Variants in CNTNAP2 observed in about 807,000 individuals in gnomAD.
The protein encoded by CNTNAP2 is contactin associated protein 2.
A neutral mutation model predicts 155.2 loss-of-function variants in CNTNAP2; 98 were observed. The observed-to-expected ratio is 0.63, with a 90% CI of 0.54 to 0.75. The LOEUF is 0.75. Ranked by LOEUF, CNTNAP2 falls within the 30% of genes least tolerant of loss-of-function variation. The pLI is 0.00. For synonymous variants in CNTNAP2, 651 were observed against 631.2 expected, an observed-to-expected ratio of 1.03 and a Z score of -0.47; for missense variants, 1,727 against 1,688.1, an observed-to-expected ratio of 1.02 and a Z score of -0.40.
At chr7:147,737,784 G>A (rs1358158526) in intron 13 of CNTNAP2, among the ~76,000 whole-genome samples, 2 of 152,204 alleles carry the variant, frequency 1.3e-5, no homozygotes, top group Admixed American at 6.5e-5. Context: ...TGCTAGCAAT[G>A]AGCGAGGCTC....
intron 1 of CNTNAP2, among the ~76,000 whole-genome samples, chr7:146,535,779 C>G (rs552108340): frequency 2.6e-5 from 4 of 151,974 alleles, no homozygotes; most frequent in African/African-American, 7.2e-5. Flanking sequence ...GCTGTCCCCA[C>G]TTGTAGTTCC....
At chr7:148,232,101 C>T (rs964018699) in intron 20 of CNTNAP2, among the ~76,000 whole-genome samples, 1 of 152,154 alleles carries the variant, frequency 6.6e-6, no homozygotes, top group Non-Finnish European at 1.5e-5. Context: ...AAAGATGTCA[C>T]GGCCTGGGGA....
intron 1 of CNTNAP2, among the ~76,000 whole-genome samples, chr7:146,328,039 C>CTGTTG: frequency 6.6e-6 from 1 of 152,136 alleles, no homozygotes; most frequent in African/African-American, 2.4e-5. Context: ...GGCCACAGAC[C>CTGTTG]GGTACTGGTC....
At chr7:147,024,821 A>C (rs1378754691) in intron 3 of CNTNAP2, among the ~76,000 whole-genome samples, 1 of 152,202 alleles carries the variant, frequency 6.6e-6, no homozygotes, top group Admixed American at 6.5e-5. Context: ...GTTTCTGGAG[A>C]GGCTTCGGGA....
chr7:148,027,227 C>T (rs995401775), intron 15 of CNTNAP2, among the ~76,000 whole-genome samples: 3 of 152,196 alleles, frequency 2.0e-5, no homozygotes, highest in African/African-American at 7.2e-5. Flanking sequence ...ATCCCTTTCT[C>T]CATAGGCCTA....
chr7:148,303,403 A>G (rs961039424), intron 21 of CNTNAP2, among the ~76,000 whole-genome samples: 23 of 152,152 alleles, frequency 1.5e-4, no homozygotes, highest in African/African-American at 5.3e-4. Context: ...TGGACAGCCA[A>G]CACGCCATGA....
At chr7:146,296,166 A>T (rs1800511597) in intron 1 of CNTNAP2, among the ~76,000 whole-genome samples, 1 of 152,124 alleles carries the variant, frequency 6.6e-6, no homozygotes, top group Non-Finnish European at 1.5e-5. Context: ...GCTTAAGCAG[A>T]TCCTAAATTC....
intron 1 of CNTNAP2, among the ~76,000 whole-genome samples, chr7:146,397,871 C>T (rs114118966): frequency 0.024 from 3,037 of 126,718 alleles, 197 homozygotes; most frequent in African/African-American, 0.098. Context: ...ATTTGACAGG[C>T]TTTTATTTAT....
At chr7:146,201,088 A>T (rs1012403110) in intron 1 of CNTNAP2, among the ~76,000 whole-genome samples, 3 of 152,182 alleles carry the variant, frequency 2.0e-5, no homozygotes, top group African/African-American at 7.2e-5. Context: ...GAGATTTTCC[A>T]TATTTTTGTT....
At chr7:147,263,353 C>G (rs948208344) in intron 8 of CNTNAP2, among the ~76,000 whole-genome samples, 2 of 143,868 alleles carry the variant, frequency 1.4e-5, no homozygotes, top group East Asian at 4.2e-4. Flanking sequence ...AGAGGGAGAC[C>G]CTGCCTGGGA....
In CNTNAP2 at chr7:146,820,986, C is replaced by A. The variant is rs902125859; in HGVS notation, c.209-18725C>A. 2.0e-5 allele frequency among the ~76,000 whole-genome samples: 3 copies of A among 152,182 alleles called. 1 individual carries two copies. The highest frequency in any genetic ancestry group is 6.6e-5 in the Admixed American group (1 of 15,266). ...GTTTTATCAGAGACTAGGATTGCAACCCCTGCCTTTTCTTGTTTTCCATTT... is the reference window on the plus strand; with the variant it reads ...GTTTTATCAGAGACTAGGATTGCAAACCCTGCCTTTTCTTGTTTTCCATTT... On this transcript the variant is annotated intron_variant, in intron 2 of 23. Coordinates refer to ENST00000361727, the MANE Select transcript of CNTNAP2 (RefSeq NM_014141.6).
At chr7:148,133,790 T>C (rs936445213) in intron 16 of CNTNAP2, 5 of 152,102 alleles carry the variant, frequency 3.3e-5, no homozygotes, top group African/African-American at 1.2e-4. Flanking sequence ...AAAGAAACCT[T>C]CTGTGAATGG....
chr7:146,378,951 A>G (rs945233198), intron 1 of CNTNAP2, among the ~76,000 whole-genome samples: 8 of 152,242 alleles, frequency 5.3e-5, no homozygotes, highest in Non-Finnish European at 1.2e-4. Flanking sequence ...TGAATTATCA[A>G]TAACTCAAGA....
chr7:146,411,062 T>C (rs1795857960), intron 1 of CNTNAP2, among the ~76,000 whole-genome samples: 1 of 152,100 alleles, frequency 6.6e-6, no homozygotes, highest in African/African-American at 2.4e-5. Context: ...AAAAATGCAA[T>C]GAACCTGGAA....
chr7:146,189,292 T>C (rs1354717271), intron 1 of CNTNAP2, among the ~76,000 whole-genome samples: 2 of 152,192 alleles, frequency 1.3e-5, no homozygotes, highest in Admixed American at 6.5e-5. Context: ...ATTGTGTACA[T>C]AGTTAATGCT....
intron 13 of CNTNAP2, among the ~76,000 whole-genome samples, chr7:147,670,723 G>A (rs1245465927): frequency 2.0e-5 from 3 of 152,250 alleles, no homozygotes; most frequent in East Asian, 1.9e-4. Flanking sequence ...TTCCATTGGC[G>A]GTAAAATCCC....
intron 13 of CNTNAP2, among the ~76,000 whole-genome samples, chr7:147,808,143 C>T (rs1048045199): frequency 6.6e-6 from 1 of 152,144 alleles, no homozygotes; most frequent in Non-Finnish European, 1.5e-5. Context: ...TATATGAAGT[C>T]CCATTGTCCT....
chr7:147,945,729 A>G (rs1322468750), intron 14 of CNTNAP2, among the ~76,000 whole-genome samples: 2 of 151,332 alleles, frequency 1.3e-5, no homozygotes, highest in African/African-American at 4.9e-5. Flanking sequence ...ACATGCTCAG[A>G]CTCCAGAAGA....
intron 15 of CNTNAP2, among the ~76,000 whole-genome samples, chr7:147,990,030 C>T (rs572758197): frequency 2.1e-5 from 3 of 146,162 alleles, no homozygotes; most frequent in East Asian, 2.0e-4. Flanking sequence ...TCTCAAGCCA[C>T]TCACATTTCT....
Sources: allele counts gnomAD v4.1 joint callset (sites outside exome capture counted in the v4.1 genomes callset), GRCh38; gene constraint gnomAD v4.1.1; transcripts MANE v1.5; gene names NCBI Gene and HGNC (gene_info 2026-07-23, HGNC 2026-07-21).